The following SHISA9 variants were observed in gnomAD, a reference collection of about 807,000 sequenced individuals.
SHISA9 encodes protein shisa-9.
A neutral mutation model predicts 38.0 loss-of-function variants in SHISA9; 13 were observed. The ratio of observed to expected loss-of-function variants is 0.34; its 90% CI spans 0.22 to 0.54. The LOEUF is 0.54. SHISA9 is among the 20% of genes least tolerant of loss of function. The probability of loss-of-function intolerance (pLI) is 0.91; values close to 1 mark genes in which losing one functional copy is unlikely to be tolerated. For missense variants in SHISA9, 538 were observed against 575.8 expected, an observed-to-expected ratio of 0.93 and a Z score of 0.67; for synonymous variants, 275 against 242.0, an observed-to-expected ratio of 1.14 and a Z score of -1.27.
At chr16:13,080,272 C>T (rs561383600) in intron 2 of SHISA9, among the ~76,000 whole-genome samples, 41 of 152,290 alleles carry the variant, frequency 2.7e-4, no homozygotes, top group Non-Finnish European at 3.4e-4. Flanking sequence ...ACTTGGGAGG[C>T]TGACGCAGGA....
intron 2 of SHISA9, among the ~76,000 whole-genome samples, chr16:13,134,159 C>T (rs997420191): frequency 2.0e-5 from 3 of 152,188 alleles, no homozygotes; most frequent in Non-Finnish European, 4.4e-5. Context: ...ACCAGACTGC[C>T]TGGGTCTATT....
At chr16:13,470,988 A>C in the SHISA9 span, among the ~76,000 whole-genome samples, 1 of 152,050 alleles carries the variant, frequency 6.6e-6, no homozygotes, top group South Asian at 2.1e-4. Context: ...ATAGGAGGAA[A>C]GACAATCAAA....
chr16:13,139,394 T>TTTCCTTCCTTCCTTCCTTCTTTCCTTCC (rs1284603572), intron 2 of SHISA9, among the ~76,000 whole-genome samples: 71 of 95,066 alleles, frequency 7.5e-4, no homozygotes, highest in Non-Finnish European at 1.0e-3. Flanking sequence ...CCCTTCCTTC[T>TTTCCTTCCTTCCTTCCTTCTTTCCTTCC]TTCCTTCCTT....
the SHISA9 span, among the ~76,000 whole-genome samples, chr16:13,388,018 T>C: frequency 6.6e-6 from 1 of 152,172 alleles, no homozygotes; most frequent in Admixed American, 6.5e-5. Flanking sequence ...AAGCCTCTTC[T>C]ACAAGCCTTG....
chr16:13,089,932 G>A (rs1389413198), intron 2 of SHISA9, among the ~76,000 whole-genome samples: 2 of 151,984 alleles, frequency 1.3e-5, no homozygotes, highest in Non-Finnish European at 2.9e-5. Flanking sequence ...TTCTCTTGTG[G>A]GCATTTAGTG....
intron 2 of SHISA9, among the ~76,000 whole-genome samples, chr16:13,135,469 A>G (rs1298279809): frequency 6.6e-6 from 1 of 152,172 alleles, no homozygotes; most frequent in African/African-American, 2.4e-5. Context: ...GCATATATAC[A>G]AAGTTTGGCC....
intron 2 of SHISA9, among the ~76,000 whole-genome samples, chr16:12,921,373 C>T (rs918275830): frequency 6.6e-5 from 10 of 152,178 alleles, no homozygotes; most frequent in African/African-American, 2.2e-4. Flanking sequence ...TCTGAGGACG[C>T]TGTATAGCTC....
chr16:13,106,052 A>AT (rs2073922931), intron 2 of SHISA9, among the ~76,000 whole-genome samples: 1 of 151,882 alleles, frequency 6.6e-6, no homozygotes, highest in African/African-American at 2.4e-5. Context: ...TGCCATTATT[A>AT]TTTTTGCAGA....
chr16:13,436,277 C>T, the SHISA9 span, among the ~76,000 whole-genome samples: 5 of 152,216 alleles, frequency 3.3e-5, no homozygotes, highest in Non-Finnish European at 5.9e-5. Flanking sequence ...CTACCAAATC[C>T]AAGATGGCGA....
At chr16:13,268,353 T>G in the SHISA9 span, among the ~76,000 whole-genome samples, 1 of 152,094 alleles carries the variant, frequency 6.6e-6, no homozygotes, top group East Asian at 1.9e-4. Context: ...TTCCAAAATA[T>G]ACAAAAATTA....
At chr16:13,536,601 G>A in the SHISA9 span, among the ~76,000 whole-genome samples, 7 of 152,288 alleles carry the variant, frequency 4.6e-5, no homozygotes, top group South Asian at 1.5e-3. Context: ...TTGCGGAATG[G>A]TTAAAAAGAC....
At chr16:13,103,825 T>C (rs1017566978) in intron 2 of SHISA9, among the ~76,000 whole-genome samples, 4 of 152,230 alleles carry the variant, frequency 2.6e-5, no homozygotes, top group African/African-American at 9.6e-5. Context: ...GAGGGTGCCA[T>C]GGGCCACCAT....
chr16:13,104,775 C>T (rs1005813807), intron 2 of SHISA9, among the ~76,000 whole-genome samples: 7 of 152,090 alleles, frequency 4.6e-5, no homozygotes, highest in South Asian at 2.1e-4. Context: ...GGAGGATAAT[C>T]GAAATTCTAT....
At chr16:13,257,179 G>A in the SHISA9 span, among the ~76,000 whole-genome samples, 1 of 152,154 alleles carries the variant, frequency 6.6e-6, no homozygotes, top group Admixed American at 6.5e-5. Context: ...TTGGCCATTG[G>A]TAAGGAACCA....
chr16:13,358,509 G>C, the SHISA9 span, among the ~76,000 whole-genome samples: 2 of 152,048 alleles, frequency 1.3e-5, no homozygotes, highest in African/African-American at 2.4e-5. Flanking sequence ...AAAATATTCC[G>C]TGAGGATGTT....
intron 2 of SHISA9, among the ~76,000 whole-genome samples, chr16:13,181,267 TTATATATATATATA>T (rs1156705123): frequency 7.5e-4 from 60 of 80,102 alleles, no homozygotes; most frequent in Middle Eastern, 6.7e-3. Context: ...AAATAAAATT[TTATATATATATATA>T]TATATATATA....
the SHISA9 span, among the ~76,000 whole-genome samples, chr16:13,329,423 G>T: frequency 6.6e-6 from 1 of 152,176 alleles, no homozygotes; most frequent in African/African-American, 2.4e-5. Context: ...GCCTTACTGG[G>T]TTAAGGATAC....
At position 13,030,136 on chromosome 16, in the gene SHISA9, TTATC is replaced by T. The variant is rs775002253; in HGVS notation, c.691+113325_691+113328del. Among the ~76,000 whole-genome samples the T allele has an allele frequency of 4.1e-4, 63 of 152,288 alleles. 1 individual carries two copies. Among genetic ancestry groups the T allele is most frequent in the Middle Eastern group, 6.8e-3 (2 of 294 alleles). On this transcript the variant is annotated intron_variant, in intron 2 of 4. Coordinates refer to ENST00000558583, the MANE Select transcript of SHISA9 (RefSeq NM_001145204.3). ...TGAATGACTTTTAAAAATGGAGTATTTATCTATAGCCAGGTGTAGCAGGTGTATT... is the reference window on the plus strand; with the variant it reads ...TGAATGACTTTTAAAAATGGAGTATTTATAGCCAGGTGTAGCAGGTGTATT...
At chr16:13,372,151 C>T in the SHISA9 span, among the ~76,000 whole-genome samples, 8 of 152,124 alleles carry the variant, frequency 5.3e-5, no homozygotes, top group African/African-American at 1.9e-4. Context: ...CATGGAAGTA[C>T]CCTCCTTTTG....
Sources: gnomAD v4.1 joint callset for allele counts (sites outside exome capture counted in the v4.1 genomes callset) on GRCh38, gnomAD v4.1.1 for gene constraint, MANE v1.5 for transcripts, NCBI Gene and HGNC (gene_info 2026-07-23, HGNC 2026-07-21) for gene names.